The following NUDT2 variants were observed in gnomAD, a reference collection of about 807,000 sequenced individuals.
NUDT2 encodes bis(5'-nucleosyl)-tetraphosphatase [asymmetrical].
NUDT2 carries 12 observed loss-of-function variants against 14.2 expected under a neutral mutation model. The observed-to-expected ratio is 0.84, with a 90% CI of 0.54 to 1.37. The LOEUF (loss-of-function observed/expected upper bound fraction) is 1.37, where lower values mean the gene tolerates loss of function less well. Among genes scored for constraint, NUDT2 ranks in the 40% most tolerant of loss-of-function variants. The pLI is 0.00. For synonymous variants in NUDT2, 67 were observed against 67.4 expected (o/e 0.99, Z 0.03); for missense variants, 167 against 176.7 (o/e 0.95, Z 0.31).
chr9:34,341,128 C>T (rs775769527), intron 4 of NUDT2, among the ~76,000 whole-genome samples: 26 of 152,206 alleles, frequency 1.7e-4, no homozygotes, highest in Non-Finnish European at 3.7e-4. Flanking sequence ...AGAAGCTTCA[C>T]AAATACTATG....
intron 1 of NUDT2, among the ~76,000 whole-genome samples, chr9:34,331,088 A>G (rs1007846860): frequency 1.3e-5 from 2 of 152,252 alleles, no homozygotes; most frequent in African/African-American, 4.8e-5. Flanking sequence ...GAAAAAAGGT[A>G]ATTCTTACTA....
At chr9:34,340,955 G>A (rs1312712702) in intron 4 of NUDT2, among the ~76,000 whole-genome samples, 2 of 152,168 alleles carry the variant, frequency 1.3e-5, no homozygotes, top group African/African-American at 2.4e-5. Flanking sequence ...GGGATTATAG[G>A]CATGAGCCAC....
rs150930359 is a variant in NUDT2, at chr9:34,341,692, T to C, written c.128-1432T>C. Among the ~76,000 whole-genome samples, 931 of 152,274 alleles carry C rather than the reference T, an allele frequency of 6.1e-3. 10 individuals are homozygous for C. The highest frequency in any genetic ancestry group is 0.02 in the African/African-American group (844 of 41,554). On this transcript the variant is annotated intron_variant, in intron 4 of 4. Transcript: ENST00000379158. Reference sequence around the variant, plus strand: ...GCCCAGCTCATTTTTGTATTTTTAGTAGAGACAGGGTTTCACCATGTTGGC... The same window carrying C: ...GCCCAGCTCATTTTTGTATTTTTAGCAGAGACAGGGTTTCACCATGTTGGC...
chr9:34,340,523 G>C (rs7848476), intron 4 of NUDT2, among the ~76,000 whole-genome samples: 112,972 of 151,728 alleles, frequency 0.74, 42,724 homozygotes, highest in East Asian at 0.95. Context: ...GTGGAGTCGG[G>C]CAAGTCTCCA....
chr9:34,339,578 C>T (rs1483030896), intron 4 of NUDT2, among the ~76,000 whole-genome samples: 2 of 152,204 alleles, frequency 1.3e-5, no homozygotes, highest in African/African-American at 4.8e-5. Flanking sequence ...CACAGTGGCA[C>T]ACGCCTATAA....
chr9:34,334,860 G>A (rs1389476991), intron 1 of NUDT2, among the ~76,000 whole-genome samples: 2 of 152,198 alleles, frequency 1.3e-5, no homozygotes, highest in Non-Finnish European at 2.9e-5. Context: ...CTGCTTCCAG[G>A]TGAGGGTTGT....
intron 4 of NUDT2, among the ~76,000 whole-genome samples, chr9:34,342,367 T>C (rs1037158429): frequency 1.3e-5 from 2 of 152,194 alleles, no homozygotes; most frequent in African/African-American, 4.8e-5. Flanking sequence ...CACTGGATTG[T>C]AGGCAAAGTA....
chr9:34,329,763 C>A (rs1011172558), intron 1 of NUDT2, among the ~76,000 whole-genome samples, 164 bp downstream of exon 1: 9 of 152,308 alleles, frequency 5.9e-5, no homozygotes, highest in Middle Eastern at 6.8e-3. Flanking sequence ...AGGTCCCATC[C>A]GCTCTCAGGA....
chr9:34,337,202 G>A (rs1481317083), intron 2 of NUDT2, among the ~76,000 whole-genome samples: 1 of 151,968 alleles, frequency 6.6e-6, no homozygotes, highest in African/African-American at 2.4e-5. Flanking sequence ...GTTTCTCCAT[G>A]TTAGTCAGGC....
At chr9:34,337,175 T>G (rs1838112736) in intron 2 of NUDT2, among the ~76,000 whole-genome samples, 1 of 152,034 alleles carries the variant, frequency 6.6e-6, no homozygotes. Context: ...AATTTTTGTA[T>G]TTTTAGTAGA....
At chr9:34,338,283 A>G (rs1477996916) in intron 2 of NUDT2, among the ~76,000 whole-genome samples, 1 of 137,330 alleles carries the variant, frequency 7.3e-6, no homozygotes, top group Non-Finnish European at 1.5e-5. Context: ...ACTTCAGCCC[A>G]GAAGTTCAGG....
chr9:34,343,242 T>C lies in NUDT2; in HGVS notation c.246T>C (p.Tyr82=). The C allele has an allele frequency of 1.9e-6, 3 of 1,614,022 alleles. No homozygotes were observed. Among genetic ancestry groups the C allele is most frequent in the Non-Finnish European group, 8.5e-7 (1 of 1,180,016 alleles). ...IIEGFKRELN[Y]VARNKPKTVI... ...AGGGGTTCAAAAGGGAACTCAATTA[T>C]GTGGCCAGGAACAAGCCTAAAACAG... The change falls in exon 5 of 5, where the codon TAT becomes TAC. Residue 82 remains tyrosine, a synonymous_variant. Coordinates refer to ENST00000379158, the MANE Select transcript of NUDT2 (RefSeq NM_001161.5).
chr9:34,343,569 C>G lies in NUDT2; in HGVS notation c.*129C>G. 1.2e-6 allele frequency: 1 copy of G among 823,694 alleles called. No homozygotes were observed. Among genetic ancestry groups the G allele is most frequent in the Non-Finnish European group, 1.8e-6 (1 of 554,322 alleles). The allele number at this position is 823,694 out of a possible 1,614,324, so 51.0% of individuals were successfully genotyped here. A position where few individuals can be genotyped will look rare whatever the true frequency, so the allele number is the denominator to read the frequency against. On this transcript the variant is annotated 3_prime_UTR_variant, in exon 5 of 5. Coordinates refer to ENST00000379158, the MANE Select transcript of NUDT2 (RefSeq NM_001161.5). ...ACAGCCAAGAGCAGATTTGTGAAAT[C>G]GGCTCAACTCCCAGGTGAGAGCAAG...
chr9:34,332,658 G>A (rs1354084977), intron 1 of NUDT2, among the ~76,000 whole-genome samples: 1 of 152,136 alleles, frequency 6.6e-6, no homozygotes, highest in East Asian at 1.9e-4. Flanking sequence ...CAATATTTAT[G>A]CCATTACAGG....
At chr9:34,334,532 C>T (rs1008177320) in intron 1 of NUDT2, among the ~76,000 whole-genome samples, 1 of 152,140 alleles carries the variant, frequency 6.6e-6, no homozygotes, top group Non-Finnish European at 1.5e-5. Flanking sequence ...TTGTGGTCTC[C>T]AGAAAAACAG....
intron 4 of NUDT2, among the ~76,000 whole-genome samples, chr9:34,339,632 C>T (rs1408940038): frequency 1.3e-5 from 2 of 152,120 alleles, no homozygotes; most frequent in African/African-American, 4.8e-5. Context: ...TGCTTGAGCC[C>T]AGGAGCTCGA....
intron 1 of NUDT2, among the ~76,000 whole-genome samples, 192 bp downstream of exon 1, chr9:34,329,791 G>A (rs1837832903): frequency 1.3e-5 from 2 of 152,290 alleles, no homozygotes; most frequent in Non-Finnish European, 2.9e-5. Context: ...TTTCCTGTCT[G>A]CACCGGGAGA....
intron 2 of NUDT2, among the ~76,000 whole-genome samples, chr9:34,336,996 C>T (rs1300606666): frequency 1.8e-5 from 2 of 109,192 alleles, no homozygotes; most frequent in African/African-American, 3.4e-5. Context: ...ATATGTACAT[C>T]TTTTTTTTTT....
At chr9:34,330,607 A>AT (rs1184248919) in intron 1 of NUDT2, among the ~76,000 whole-genome samples, 1 of 152,174 alleles carries the variant, frequency 6.6e-6, no homozygotes, top group East Asian at 1.9e-4. Context: ...TGTTGTGAAG[A>AT]TTAAGTGAAA....
Sources: allele counts gnomAD v4.1 joint callset (sites outside exome capture counted in the v4.1 genomes callset), GRCh38; gene constraint gnomAD v4.1.1; transcripts MANE v1.5; gene names NCBI Gene and HGNC (gene_info 2026-07-23, HGNC 2026-07-21).